Variants in MTF1 observed in about 807,000 individuals in gnomAD.
MTF1 encodes the protein metal regulatory transcription factor 1.
MTF1 carries 22 observed loss-of-function variants against 70.4 expected under a neutral mutation model. The ratio of observed to expected loss-of-function variants is 0.31; its 90% CI spans 0.22 to 0.45. The LOEUF (loss-of-function observed/expected upper bound fraction) is 0.45. Ranked by LOEUF, MTF1 falls within the 20% of genes least tolerant of loss-of-function variation. The pLI is 1.00. For missense variants in MTF1, 649 were observed against 922.0 expected, an observed-to-expected ratio of 0.70 and a Z score of 3.83; for synonymous variants, 333 against 352.8, an observed-to-expected ratio of 0.94 and a Z score of 0.63.
At chr1:37,828,232 C>G in intron 7 of MTF1, 1 of 353,592 alleles carries the variant, frequency 2.8e-6, no homozygotes, top group Non-Finnish European at 5.4e-6. Flanking sequence ...TAGTGGTTGT[C>G]TGCAGGGAGA....
rs778563825 is a variant in MTF1 at position 37,835,760 on chromosome 1, A to G, written c.780-16T>C. ...GTGATCGCACCTAAATTTGTTAAGGAAAGAGAAACAGGAGTCATTAGCTAA... is the reference window on the plus strand; with the variant it reads ...GTGATCGCACCTAAATTTGTTAAGGGAAGAGAAACAGGAGTCATTAGCTAA... On this transcript the variant is annotated splice_polypyrimidine_tract_variant and intron_variant, in intron 4 of 10. Transcript: ENST00000373036. 1.3e-5 allele frequency: 21 copies of G among 1,608,600 alleles called. No homozygotes were observed. The highest frequency in any genetic ancestry group is 1.8e-5 in the Non-Finnish European group (21 of 1,175,034).
intron 7 of MTF1, among the ~76,000 whole-genome samples, chr1:37,830,536 G>C (rs1433529268): frequency 6.6e-6 from 1 of 152,104 alleles, no homozygotes; most frequent in African/African-American, 2.4e-5. Flanking sequence ...AAAAATCCTT[G>C]TCTGTTAATT....
rs1640934198 is a variant in MTF1, at chr1:37,822,593, T to C, written c.1295A>G (p.Gln432Arg). Residue 432 changes from glutamine to arginine, a missense_variant, in exon 9 of 11, where the codon CAG becomes CGG. Around this residue, in one of 7 missense-constraint regions of MTF1, gnomAD observed 267 missense variants for 292.1 expected, o/e 0.91. Transcript: ENST00000373036. ...CGGAGCTGAGGCAGGTAGTAGAGGC[T>C]GGGGTGGCTCGGAGAGGCCAGGTTG... The part of the protein sequence containing the change: ...VLQPGLSEPP[Q>R]PLLPASAPSA... 1.2e-6 allele frequency: 2 copies of C among 1,613,880 alleles called. No homozygotes were observed. Among genetic ancestry groups the C allele is most frequent in the Admixed American group, 1.7e-5 (1 of 59,988 alleles).
intron 7 of MTF1, among the ~76,000 whole-genome samples, chr1:37,832,031 G>A (rs1302723998): frequency 6.6e-6 from 1 of 152,208 alleles, no homozygotes; most frequent in Non-Finnish European, 1.5e-5. Flanking sequence ...CCAGGTTACC[G>A]AGTGAGTGAC....
chr1:37,832,512 G>C (rs937955004), intron 6 of MTF1, among the ~76,000 whole-genome samples, 190 bp from the exon 7 acceptor site: 5 of 152,086 alleles, frequency 3.3e-5, no homozygotes, highest in African/African-American at 1.2e-4. Flanking sequence ...TTATGTTCTA[G>C]GGTACATGTG....
At chr1:37,823,377 G>A (rs1640948468) in intron 8 of MTF1, among the ~76,000 whole-genome samples, 1 of 152,000 alleles carries the variant, frequency 6.6e-6, no homozygotes, top group East Asian at 1.9e-4. Context: ...TGGAGGTGGA[G>A]GTTGCGGTGA....
chr1:37,829,397 C>T (rs1340499367), intron 7 of MTF1, among the ~76,000 whole-genome samples: 1 of 152,098 alleles, frequency 6.6e-6, no homozygotes, highest in East Asian at 1.9e-4. Flanking sequence ...AACTCCTGGG[C>T]TCAAGCCATC....
rs567843672 is a variant in MTF1, at chr1:37,824,725, A to C, written c.1069-913T>G. ...ACAACAAAAAAATTATATAATATTC[A>C]TTACCCTGCAACTTGCTTTCCTCAT... On this transcript the variant is annotated intron_variant, in intron 7 of 10. Coordinates refer to ENST00000373036, the MANE Select transcript of MTF1 (RefSeq NM_005955.3). Among the ~76,000 whole-genome samples the C allele has an allele frequency of 2.2e-4, 33 of 152,246 alleles. No homozygotes were observed. The South Asian group carries it at 3.9e-3, about 18-fold the overall frequency.
Position 37,829,006 on chromosome 1 carries a change from C to G in MTF1, c.1068+3239G>C, listed in dbSNP as rs562524344. On this transcript the variant is annotated intron_variant, in intron 7 of 10. Transcript: ENST00000373036. ...ACTCTCCTCTAACAAAAGATCTGAG[C>G]AAACCAAAGTTCATTTCTAGGATAT... is the stretch of plus-strand genomic sequence containing the variant. Among the ~76,000 whole-genome samples the G allele has an allele frequency of 2.6e-5, 4 of 152,312 alleles. No homozygotes were observed. The South Asian group carries it at 8.3e-4, about 32-fold the overall frequency.
In MTF1 at chr1:37,815,142, G is replaced by A; in HGVS notation, c.2256C>T (p.Ser752=). ...GTGAGCACACATGGGCCCTTCACTT[G>A]GAGAAGCTGCTGGTGAGGCCCATCT... ...EEEMGLTSSF[S]K is the part of the protein sequence containing the mutation. Residue 752 remains serine, a synonymous_variant, in exon 11 of 11, where the codon TCC becomes TCT. Coordinates refer to ENST00000373036, the MANE Select transcript of MTF1 (RefSeq NM_005955.3). The surrounding 1 kb of genome is among the most constrained non-coding windows in gnomAD (Gnocchi z 4.5). The A allele has an allele frequency of 6.2e-7, 1 of 1,613,914 alleles. No homozygotes were observed. The highest frequency in any genetic ancestry group is 8.5e-7 in the Non-Finnish European group (1 of 1,179,880).
At chr1:37,817,366 C>G in intron 10 of MTF1, 53 bp downstream of exon 10, 1 of 1,101,232 alleles carries the variant, frequency 9.1e-7, no homozygotes, top group Non-Finnish European at 1.4e-6. Flanking sequence ...TTAGCTGTGC[C>G]TCAAGGGACC....
intron 4 of MTF1, among the ~76,000 whole-genome samples, chr1:37,837,598 C>G (rs1000077481): frequency 6.6e-6 from 1 of 152,110 alleles, no homozygotes; most frequent in Non-Finnish European, 1.5e-5. Flanking sequence ...CTCCGCCTCT[C>G]TGGTTCCAGC....
rs1261545875 is a variant in MTF1 at position 37,811,812 on chromosome 1, A to C, written c.*3324T>G. 3 of 152,594 alleles carry C rather than the reference A, an allele frequency of 2.0e-5. No homozygotes were observed. Among genetic ancestry groups the C allele is most frequent in the Non-Finnish European group, 2.9e-5 (2 of 68,056 alleles). The allele number at this position is 152,594 out of a possible 1,614,324, so 9.5% of individuals were successfully genotyped here. ...GGCCCCTCCTGGGCTTTGTACCATG[A>C]TCTCCTTCTAAACGGAGGTGGAATT... is the stretch of plus-strand genomic sequence containing the variant. On this transcript the variant is annotated 3_prime_UTR_variant, in exon 11 of 11. Transcript: ENST00000373036.
At chr1:37,846,701 G>A (rs1054161067) in intron 2 of MTF1, among the ~76,000 whole-genome samples, 2 of 151,490 alleles carry the variant, frequency 1.3e-5, no homozygotes, top group Admixed American at 1.3e-4. Flanking sequence ...GCAAAAGTGA[G>A]AAAATAAAAC....
intron 1 of MTF1, among the ~76,000 whole-genome samples, chr1:37,859,041 C>T (rs1433009680): frequency 6.6e-6 from 1 of 152,198 alleles, no homozygotes; most frequent in African/African-American, 2.4e-5. Context: ...CGGGAGGTAC[C>T]GGCCCGACCC....
intron 7 of MTF1, 29 bp downstream of exon 7, chr1:37,832,216 T>C: frequency 6.7e-7 from 1 of 1,489,140 alleles, no homozygotes; most frequent in Admixed American, 1.7e-5. Context: ...CCCTTATTTT[T>C]CTAGCACTGG....
intron 6 of MTF1, chr1:37,834,622 G>C (rs1361781602): frequency 2.2e-6 from 1 of 456,548 alleles, no homozygotes; most frequent in Admixed American, 2.3e-5. Context: ...AAGGTCCTAA[G>C]AAGCTCACTT....
At chr1:37,817,384 T>A (rs1640836449) in intron 10 of MTF1, 35 bp downstream of exon 10, 3 of 1,387,374 alleles carry the variant, frequency 2.2e-6, no homozygotes, top group Non-Finnish European at 3.1e-6. Context: ...ACCCACAGAG[T>A]TGCCTTCTCT....
chr1:37,844,025 G>C (rs1343548532), intron 2 of MTF1, among the ~76,000 whole-genome samples: 1 of 152,176 alleles, frequency 6.6e-6, no homozygotes, highest in Non-Finnish European at 1.5e-5. Context: ...CACTAATCCA[G>C]GCATTCTTCT....
Sources: gnomAD v4.1 joint callset for allele counts (sites outside exome capture counted in the v4.1 genomes callset) on GRCh38, gnomAD v4.1.1 for gene constraint, gnomAD v4.1.1 regional missense constraint, Gnocchi (gnomAD v3.1) non-coding constraint, MANE v1.5 for transcripts, NCBI Gene and HGNC (gene_info 2026-07-23, HGNC 2026-07-21) for gene names.